Variants in SEZ6L observed in about 807,000 individuals in gnomAD.
SEZ6L encodes seizure 6-like protein.
In SEZ6L, 37 loss-of-function variants were observed where a neutral mutation model predicts 106.2. That is an observed-to-expected ratio of 0.35 (90% CI 0.27 to 0.46). The LOEUF is 0.46. SEZ6L is among the 20% of genes least tolerant of loss of function. The pLI is 1.00. For synonymous variants in SEZ6L, 541 were observed against 570.4 expected (o/e 0.95, Z 0.73); for missense variants, 1,172 against 1,332.8 (o/e 0.88, Z 1.88).
intron 1 of SEZ6L, among the ~76,000 whole-genome samples, chr22:26,213,607 G>A (rs2078221053): frequency 6.6e-6 from 1 of 152,196 alleles, no homozygotes; most frequent in African/African-American, 2.4e-5. Context: ...TTGACAAGAA[G>A]GATTAAACCT....
chr22:26,324,511 T>C (rs148053559), intron 9 of SEZ6L, among the ~76,000 whole-genome samples: 2 of 152,270 alleles, frequency 1.3e-5, no homozygotes, highest in African/African-American at 4.8e-5. Context: ...CAAACAGAGA[T>C]ATAGCTGCTT....
chr22:26,192,440 C>T (rs134764), intron 1 of SEZ6L, among the ~76,000 whole-genome samples: 123,819 of 152,206 alleles, frequency 0.81, 51,011 homozygotes, highest in African/African-American at 0.95. Context: ...TCTCAATTTA[C>T]ATATACCTGT....
chr22:26,320,410 A>C (rs1318188650), intron 9 of SEZ6L, among the ~76,000 whole-genome samples: 1 of 152,250 alleles, frequency 6.6e-6, no homozygotes, highest in Non-Finnish European at 1.5e-5. Context: ...GACTTGCGTT[A>C]GGACAAGCAG....
intron 1 of SEZ6L, among the ~76,000 whole-genome samples, chr22:26,206,846 A>G (rs1941296803): frequency 6.6e-6 from 1 of 152,218 alleles, no homozygotes; most frequent in African/African-American, 2.4e-5. Flanking sequence ...CTCTTTCTGG[A>G]CAGAAAATTC....
At chr22:26,350,805 C>A (rs537800789) in intron 11 of SEZ6L, among the ~76,000 whole-genome samples, 11 of 151,926 alleles carry the variant, frequency 7.2e-5, no homozygotes, top group Admixed American at 6.6e-4. Flanking sequence ...TACAGGCGCC[C>A]ACCACCAGGC....
chr22:26,273,858 T>G (rs1213378681), intron 1 of SEZ6L, among the ~76,000 whole-genome samples: 1 of 152,156 alleles, frequency 6.6e-6, no homozygotes, highest in Non-Finnish European at 1.5e-5. Flanking sequence ...ACTCTGGACA[T>G]TTTCTTCTTT....
At chr22:26,226,217 A>G (rs2078629609) in intron 1 of SEZ6L, among the ~76,000 whole-genome samples, 1 of 152,172 alleles carries the variant, frequency 6.6e-6, no homozygotes, top group Admixed American at 6.5e-5. Flanking sequence ...ACATCTGCCA[A>G]TTCCACCTTC....
At chr22:26,191,642 G>T (rs1221776001) in intron 1 of SEZ6L, among the ~76,000 whole-genome samples, 1 of 152,100 alleles carries the variant, frequency 6.6e-6, no homozygotes, top group East Asian at 1.9e-4. Flanking sequence ...TGAATGCTGG[G>T]CTTAATATCT....
intron 1 of SEZ6L, among the ~76,000 whole-genome samples, chr22:26,260,984 T>C (rs1026173500): frequency 2.6e-5 from 4 of 152,240 alleles, no homozygotes; most frequent in Non-Finnish European, 4.4e-5. Flanking sequence ...TGATCATTAG[T>C]GATGTTGAGC....
At chr22:26,253,368 C>T (rs146409857) in intron 1 of SEZ6L, among the ~76,000 whole-genome samples, 2 of 152,240 alleles carry the variant, frequency 1.3e-5, no homozygotes, top group South Asian at 4.2e-4. Flanking sequence ...GCTGCTGCTG[C>T]TGATGATGAT....
At chr22:26,304,415 A>AGAAAGAAAGAAG (rs2081568585) in intron 5 of SEZ6L, among the ~76,000 whole-genome samples, 2 of 149,422 alleles carry the variant, frequency 1.3e-5, no homozygotes, top group South Asian at 2.1e-4. Flanking sequence ...AAAGAAAGAA[A>AGAAAGAAAGAAG]GAAAGAAAGA....
intron 13 of SEZ6L, among the ~76,000 whole-genome samples, chr22:26,368,322 C>T (rs2083888850): frequency 6.6e-6 from 1 of 152,136 alleles, no homozygotes; most frequent in Non-Finnish European, 1.5e-5. Context: ...GAGCACTATT[C>T]ACAATAGCCA....
chr22:26,269,444 G>A (rs1468144140), intron 1 of SEZ6L, among the ~76,000 whole-genome samples: 2 of 152,140 alleles, frequency 1.3e-5, no homozygotes, highest in Non-Finnish European at 2.9e-5. Flanking sequence ...AGTGGGAGAA[G>A]GTATTGCTAA....
intron 6 of SEZ6L, among the ~76,000 whole-genome samples, chr22:26,309,035 T>G (rs1221087500): frequency 6.6e-6 from 1 of 152,142 alleles, no homozygotes; most frequent in Non-Finnish European, 1.5e-5. Context: ...CATGGCAAAA[T>G]AAACAAACTG....
intron 2 of SEZ6L, 89 bp downstream of exon 2, chr22:26,293,235 A>T (rs653361): frequency 0.31 from 439,690 of 1,431,092 alleles, 72,238 homozygotes; most frequent in Non-Finnish European, 0.34. Flanking sequence ...AATCTCAAGA[A>T]GCCCCGGCCC....
intron 1 of SEZ6L, among the ~76,000 whole-genome samples, chr22:26,195,739 A>ATG (rs149349678): frequency 2.0e-5 from 3 of 151,618 alleles, no homozygotes; most frequent in South Asian, 2.1e-4. Flanking sequence ...ATGTGTATGT[A>ATG]TGTGTGTGTG....
At chr22:26,374,955 G>T (rs555528132) in intron 14 of SEZ6L, among the ~76,000 whole-genome samples, 2 of 152,142 alleles carry the variant, frequency 1.3e-5, no homozygotes, top group Admixed American at 6.5e-5. Flanking sequence ...AGGACAGAGA[G>T]CTGTCAGTCC....
rs372156209 is a variant in SEZ6L, at chr22:26,175,955, T to C, written c.94+6192T>C. Reference sequence around the variant, plus strand: ...AATCAGTCCTTGAGGAAGTAAGTGCTGGCATGGAAGGCTGAAGACCTCAAA... The same window carrying C: ...AATCAGTCCTTGAGGAAGTAAGTGCCGGCATGGAAGGCTGAAGACCTCAAA... On this transcript the variant is annotated intron_variant, in intron 1 of 16. Coordinates refer to ENST00000248933, the MANE Select transcript of SEZ6L (RefSeq NM_021115.5). Among the ~76,000 whole-genome samples the C allele has an allele frequency of 2.4e-4, 36 of 152,358 alleles. No homozygotes were observed. In the South Asian group the frequency reaches 4.1e-3, roughly 18 times the overall value.
intron 1 of SEZ6L, among the ~76,000 whole-genome samples, chr22:26,196,802 T>A (rs1940610128): frequency 6.6e-6 from 1 of 152,170 alleles, no homozygotes; most frequent in Admixed American, 6.5e-5. Context: ...ATAGACTTGC[T>A]GATAGATAAA....
Sources: gnomAD v4.1 joint callset for allele counts (sites outside exome capture counted in the v4.1 genomes callset) on GRCh38, gnomAD v4.1.1 for gene constraint, MANE v1.5 for transcripts, NCBI Gene and HGNC (gene_info 2026-07-23, HGNC 2026-07-21) for gene names.